Variants in FBXL5 observed in about 807,000 individuals in gnomAD.
The protein encoded by FBXL5 is F-box/LRR-repeat protein 5.
A neutral mutation model predicts 78.3 loss-of-function variants in FBXL5; 26 were observed. The observed-to-expected ratio is 0.33, with a 90% CI of 0.24 to 0.46. The LOEUF (loss-of-function observed/expected upper bound fraction) is 0.46, where lower values mean the gene tolerates loss of function less well. Among genes scored for constraint, FBXL5 ranks in the 20% least tolerant of loss-of-function variants. The pLI is 1.00. For synonymous variants in FBXL5, 295 were observed against 282.5 expected (o/e 1.04, Z -0.45); for missense variants, 710 against 829.2 (o/e 0.86, Z 1.77).
chr4:15,607,998 G>GT (rs2148510982), intron 10 of FBXL5, among the ~76,000 whole-genome samples: 1 of 152,148 alleles, frequency 6.6e-6, no homozygotes, highest in East Asian at 1.9e-4. Context: ...GCAAAATAAC[G>GT]TATAACAAAG....
At chr4:15,610,541 T>G (rs1488329334) in intron 10 of FBXL5, among the ~76,000 whole-genome samples, 1 of 152,082 alleles carries the variant, frequency 6.6e-6, no homozygotes, top group Non-Finnish European at 1.5e-5. Flanking sequence ...ATATAATAGC[T>G]CCTCTGAAAC....
chr4:15,605,054 A>C lies in FBXL5; in HGVS notation c.*669T>G, dbSNP rs1276797652. ...AGATTTTATTTATACATTTCTTCAAATGATTGTGGTATTTTAAAAAATCTC... is the reference window on the plus strand; with the variant it reads ...AGATTTTATTTATACATTTCTTCAACTGATTGTGGTATTTTAAAAAATCTC... On this transcript the variant is annotated 3_prime_UTR_variant, in exon 11 of 11. Transcript: ENST00000341285. 6.6e-6 allele frequency: 1 copy of C among 152,648 alleles called. No individual in the cohort carries two copies. The highest frequency in any genetic ancestry group is 2.1e-4 in the South Asian group (1 of 4,834). The allele number at this position is 152,648 out of a possible 1,614,324, so 9.5% of individuals were successfully genotyped here. A position where few individuals can be genotyped will look rare whatever the true frequency, so the allele number is the denominator to read the frequency against.
intron 5 of FBXL5, among the ~76,000 whole-genome samples, chr4:15,634,239 C>T (rs1330203121): frequency 6.6e-6 from 1 of 151,994 alleles, no homozygotes; most frequent in Non-Finnish European, 1.5e-5. Context: ...GATTGGAGTA[C>T]AGTGATGTGA....
intron 1 of FBXL5, among the ~76,000 whole-genome samples, chr4:15,669,697 GAA>G (rs1342318379): frequency 2.6e-5 from 4 of 152,106 alleles, no homozygotes; most frequent in Non-Finnish European, 5.9e-5. Flanking sequence ...TTCACACTAT[GAA>G]AAGTTATTTT....
At chr4:15,628,825 T>C (rs1319592216) in intron 6 of FBXL5, among the ~76,000 whole-genome samples, 1 of 151,710 alleles carries the variant, frequency 6.6e-6, no homozygotes, top group African/African-American at 2.4e-5. Context: ...TATAAGGAGA[T>C]AAAAATTACT....
chr4:15,631,268 T>C (rs1461411938), intron 5 of FBXL5, among the ~76,000 whole-genome samples: 3 of 152,266 alleles, frequency 2.0e-5, no homozygotes, highest in African/African-American at 4.8e-5. Context: ...TATGGCTGCA[T>C]AGTATTACAT....
chr4:15,607,167 C>T (rs914802004), intron 10 of FBXL5, among the ~76,000 whole-genome samples: 56 of 152,110 alleles, frequency 3.7e-4, no homozygotes, highest in African/African-American at 1.3e-3. Context: ...AGCTTAATGG[C>T]GGAGTAGATA....
At chr4:15,647,991 G>A (rs1715542732) in intron 1 of FBXL5, among the ~76,000 whole-genome samples, 1 of 152,134 alleles carries the variant, frequency 6.6e-6, no homozygotes, top group African/African-American at 2.4e-5. Context: ...CCGAATAGCT[G>A]GAACTACAGG....
chr4:15,640,410 A>AAC (rs55718402), intron 3 of FBXL5, among the ~76,000 whole-genome samples: 37 of 146,680 alleles, frequency 2.5e-4, no homozygotes, highest in African/African-American at 8.0e-4. Flanking sequence ...AAAAAAAAAA[A>AAC]CATGAAAAAA....
chr4:15,677,319 C>G (rs879611585), intron 1 of FBXL5, among the ~76,000 whole-genome samples: 7 of 152,122 alleles, frequency 4.6e-5, no homozygotes, highest in African/African-American at 1.4e-4. Context: ...GCTCCTAAAA[C>G]CCTTGGAATT....
chr4:15,652,734 C>T lies in FBXL5; in HGVS notation c.84+2470G>A, dbSNP rs151155802. On this transcript the variant is annotated intron_variant, in intron 1 of 10. Coordinates refer to ENST00000341285, the MANE Select transcript of FBXL5 (RefSeq NM_012161.4). Reference sequence around the variant, plus strand: ...TAAATGGATGCTTCTAAAATACATTCTACTTGAGAAGTTCAATATTGAAAA... The same window carrying T: ...TAAATGGATGCTTCTAAAATACATTTTACTTGAGAAGTTCAATATTGAAAA... Among the ~76,000 whole-genome samples the T allele has an allele frequency of 2.6e-3, 390 of 152,260 alleles. 3 individuals are homozygous for T. Among genetic ancestry groups the T allele is most frequent in the African/African-American group, 9.1e-3 (379 of 41,554 alleles).
chr4:15,664,138 G>A (rs1717430955), upstream of FBXL5, among the ~76,000 whole-genome samples: 2 of 152,174 alleles, frequency 1.3e-5, no homozygotes, highest in South Asian at 2.1e-4. Context: ...ACTGCTTCTA[G>A]AGATTTTGGA....
chr4:15,647,668 TAAAG>T (rs1354367596), intron 1 of FBXL5, among the ~76,000 whole-genome samples: 1 of 152,218 alleles, frequency 6.6e-6, no homozygotes, highest in African/African-American at 2.4e-5. Context: ...AGTAACTATA[TAAAG>T]AGACTCTAAA....
At chr4:15,605,862 G>T in intron 10 of FBXL5, 63 bp from the exon 11 acceptor site, 1 of 1,300,688 alleles carries the variant, frequency 7.7e-7, no homozygotes, top group Non-Finnish European at 1.1e-6. Flanking sequence ...AAATAATTTT[G>T]CTTATGAAGG....
intron 1 of FBXL5, among the ~76,000 whole-genome samples, chr4:15,651,717 G>A (rs1320153705): frequency 6.6e-6 from 1 of 152,154 alleles, no homozygotes; most frequent in Non-Finnish European, 1.5e-5. Flanking sequence ...ATAAATAAAT[G>A]TATAAATAAA....
intron 1 of FBXL5, among the ~76,000 whole-genome samples, chr4:15,676,603 A>G (rs975988018): frequency 3.3e-5 from 5 of 152,288 alleles, no homozygotes; most frequent in Non-Finnish European, 5.9e-5. Context: ...ATTAGATATT[A>G]GATAAAAATG....
Position 15,644,723 on chromosome 4 carries a change from AAAAAG to A in FBXL5, c.85-20_85-16del, listed in dbSNP as rs1249092711. The A allele has an allele frequency of 6.3e-7, 1 of 1,576,034 alleles. No homozygotes were observed. The highest frequency in any genetic ancestry group is 2.3e-5 in the East Asian group (1 of 44,366). ...GTTTTAGAAAGCTGAATAAAAATTT[AAAAAG>A]AAAAGTGTAATAAATACGTGCAAAT... On this transcript the variant is annotated splice_polypyrimidine_tract_variant and intron_variant, in intron 1 of 10. Coordinates refer to ENST00000341285, the MANE Select transcript of FBXL5 (RefSeq NM_012161.4).
intron 9 of FBXL5, among the ~76,000 whole-genome samples, chr4:15,622,324 T>C (rs1185532101): frequency 1.3e-5 from 2 of 152,254 alleles, no homozygotes; most frequent in Non-Finnish European, 2.9e-5. Flanking sequence ...TGACACAAGT[T>C]GTACTTACTG....
intron 5 of FBXL5, among the ~76,000 whole-genome samples, chr4:15,634,376 G>GT (rs1009384241): frequency 7.3e-5 from 11 of 150,914 alleles, no homozygotes; most frequent in African/African-American, 2.4e-4. Flanking sequence ...TTTTTGTTTT[G>GT]TTTTTTTTGA....
Sources: allele counts gnomAD v4.1 joint callset (sites outside exome capture counted in the v4.1 genomes callset), GRCh38; gene constraint gnomAD v4.1.1; transcripts MANE v1.5; gene names NCBI Gene and HGNC (gene_info 2026-07-23, HGNC 2026-07-21).